The following DCDC2 variants were observed in gnomAD, a reference collection of about 807,000 sequenced individuals.
The protein encoded by DCDC2 is doublecortin domain-containing protein 2.
Under a neutral mutation model 50.2 loss-of-function variants are expected in DCDC2, and 40 were observed. The ratio of observed to expected loss-of-function variants is 0.80; its 90% confidence interval spans 0.62 to 1.04. DCDC2 has a LOEUF of 1.04. DCDC2 is among the 50% of genes least tolerant of loss of function. The pLI is 0.00. For synonymous variants in DCDC2, 234 were observed against 210.6 expected, an observed-to-expected ratio of 1.11 and a Z score of -0.96; for missense variants, 570 against 581.9, an observed-to-expected ratio of 0.98 and a Z score of 0.21.
chr6:24,359,444 A>ATATTTATATATATTATATAATATATATT (rs1561789647), upstream of DCDC2, among the ~76,000 whole-genome samples: 7 of 67,986 alleles, frequency 1.0e-4, 1 homozygote, highest in African/African-American at 3.2e-4. Flanking sequence ...TATACTATAT[A>ATATTTATATATATTATATAATATATATT]GTATATATAT....
rs1022291174 is a variant in DCDC2, at chr6:24,312,380, A to G, written c.349-10336T>C. On this transcript the variant is annotated intron_variant, in intron 2 of 9. Coordinates refer to ENST00000378454, the MANE Select transcript of DCDC2 (RefSeq NM_016356.5). ...CCCAGTAACTTCTAGAAATTCCATAATCCAGGGATGGTGGCAAAATCAGGC... is the reference window on the plus strand; with the variant it reads ...CCCAGTAACTTCTAGAAATTCCATAGTCCAGGGATGGTGGCAAAATCAGGC... Among the ~76,000 whole-genome samples the G allele has an allele frequency of 4.6e-5, 7 of 152,312 alleles. No homozygotes were observed. In the East Asian group the frequency reaches 1.2e-3, roughly 25 times the overall value.
chr6:24,245,446 A>G (rs1762649702), intron 7 of DCDC2, among the ~76,000 whole-genome samples: 1 of 152,204 alleles, frequency 6.6e-6, no homozygotes, highest in Non-Finnish European at 1.5e-5. Flanking sequence ...TGAGAAATCA[A>G]AACTTCAACC....
chr6:24,316,462 T>C (rs1319477040), intron 2 of DCDC2, among the ~76,000 whole-genome samples: 4 of 152,100 alleles, frequency 2.6e-5, no homozygotes, highest in Non-Finnish European at 5.9e-5. Flanking sequence ...TGGATGCCAC[T>C]AATGGAAATA....
At chr6:24,243,800 CAG>C (rs903542946) in intron 7 of DCDC2, among the ~76,000 whole-genome samples, 7 of 152,128 alleles carry the variant, frequency 4.6e-5, no homozygotes, top group African/African-American at 1.7e-4. Context: ...GACAAGCAAA[CAG>C]AGGCAACCCC....
At position 24,178,350 on chromosome 6, in the gene DCDC2, C is replaced by T. The variant is rs1760971620; in HGVS notation, c.1306G>A (p.Ala436Thr). ...AATACCTCATCTTGTCCACTGCCAG[C>T]TCCTTGAGACTTTCTTTCCTTGTCT... ...VLDKERKSQG[A>T]GSGQDEADVD... The change falls in exon 9 of 10, where the codon GCT becomes ACT. Residue 436 changes from alanine to threonine, a missense_variant. Physicochemically the swap from Ala to Thr is moderately conservative, Grantham distance 58. Coordinates refer to ENST00000378454, the MANE Select transcript of DCDC2 (RefSeq NM_016356.5). 2 of 1,613,556 alleles carry T rather than the reference C, an allele frequency of 1.2e-6. No individual in the cohort carries two copies. Among genetic ancestry groups the T allele is most frequent in the Admixed American group, 1.7e-5 (1 of 59,972 alleles).
intron 2 of DCDC2, among the ~76,000 whole-genome samples, chr6:24,313,375 TG>T (rs1367749027): frequency 6.6e-6 from 1 of 152,018 alleles, no homozygotes; most frequent in African/African-American, 2.4e-5. Flanking sequence ...AAGCAAGCAC[TG>T]GGGAAAAAAA....
chr6:24,184,212 G>A (rs1761143468), intron 8 of DCDC2, among the ~76,000 whole-genome samples: 1 of 152,146 alleles, frequency 6.6e-6, no homozygotes, highest in Non-Finnish European at 1.5e-5. Flanking sequence ...GGACACTCAC[G>A]TGTACTTTCA....
At chr6:24,232,000 T>TACAC (rs918995615) in intron 7 of DCDC2, among the ~76,000 whole-genome samples, 1 of 63,444 alleles carries the variant, frequency 1.6e-5, no homozygotes, top group African/African-American at 4.0e-5. Context: ...ATTTCATATA[T>TACAC]ATATACACAC....
At chr6:24,347,543 G>A (rs143793097) in intron 2 of DCDC2, among the ~76,000 whole-genome samples, 1 of 152,150 alleles carries the variant, frequency 6.6e-6, no homozygotes, top group Admixed American at 6.5e-5. Flanking sequence ...ACATTGCACT[G>A]GGTATTACTA....
At chr6:24,260,632 C>G (rs941507553) in intron 7 of DCDC2, among the ~76,000 whole-genome samples, 3 of 152,208 alleles carry the variant, frequency 2.0e-5, no homozygotes, top group Non-Finnish European at 4.4e-5. Context: ...TCCCTTCTGT[C>G]TGAGGCTTGC....
intron 9 of DCDC2, among the ~76,000 whole-genome samples, chr6:24,176,882 C>T (rs1474540458): frequency 6.6e-6 from 1 of 152,192 alleles, no homozygotes; most frequent in Non-Finnish European, 1.5e-5. Flanking sequence ...CTTTGGTTGG[C>T]TAATTTCACT....
chr6:24,261,080 G>C (rs1301963363), intron 7 of DCDC2, among the ~76,000 whole-genome samples: 1 of 151,350 alleles, frequency 6.6e-6, no homozygotes, highest in African/African-American at 2.4e-5. Flanking sequence ...TGCAGTTACA[G>C]AAGAATAGTA....
chr6:24,238,320 A>C (rs570099272), intron 7 of DCDC2, among the ~76,000 whole-genome samples: 1 of 150,028 alleles, frequency 6.7e-6, no homozygotes, highest in South Asian at 2.1e-4. Flanking sequence ...ATTTTTTGAG[A>C]TGGAGTCTTG....
the DCDC2 span, among the ~76,000 whole-genome samples, chr6:24,375,314 G>C: frequency 1.3e-5 from 2 of 152,026 alleles, no homozygotes. Flanking sequence ...CTCTTGCTGA[G>C]AGCCTATGAG....
chr6:24,236,708 C>T lies in DCDC2; in HGVS notation c.923-31606G>A, dbSNP rs370079452. 8.7e-4 allele frequency among the ~76,000 whole-genome samples: 133 copies of T among 152,118 alleles called. No individual in the cohort carries two copies. The South Asian group carries it at 0.026, about 30-fold the overall frequency. On this transcript the variant is annotated intron_variant, in intron 7 of 9. Coordinates refer to ENST00000378454, the MANE Select transcript of DCDC2 (RefSeq NM_016356.5). Reference sequence around the variant, plus strand: ...CAACAAGAAAAAAAAACAAACAACCCCATTAAGAAGTGGACAAAAGGCCAA... The same window carrying T: ...CAACAAGAAAAAAAAACAAACAACCTCATTAAGAAGTGGACAAAAGGCCAA...
chr6:24,336,979 A>G (rs1383451893), intron 2 of DCDC2, among the ~76,000 whole-genome samples: 1 of 152,194 alleles, frequency 6.6e-6, no homozygotes, highest in Non-Finnish European at 1.5e-5. Flanking sequence ...GAGGCTCATA[A>G]AGATCAAAGA....
At chr6:24,284,164 AAAG>A (rs1435224583) in intron 6 of DCDC2, among the ~76,000 whole-genome samples, 2 of 152,142 alleles carry the variant, frequency 1.3e-5, no homozygotes, top group Non-Finnish European at 2.9e-5. Context: ...CAATATACTC[AAAG>A]AAGAGTTATA....
At chr6:24,238,179 AGGGGAGGGGGAG>A (rs1762494409) in intron 7 of DCDC2, among the ~76,000 whole-genome samples, 1 of 40,200 alleles carries the variant, frequency 2.5e-5, no homozygotes, top group African/African-American at 8.8e-5. Context: ...GGAGGGAGGG[AGGGGAGGGGGAG>A]GGGAGGGAGT....
At chr6:24,273,765 G>A (rs1224708703) in intron 7 of DCDC2, among the ~76,000 whole-genome samples, 7 of 152,184 alleles carry the variant, frequency 4.6e-5, no homozygotes, top group Admixed American at 6.5e-5. Context: ...TTGCAGTAAC[G>A]CTTCATGCTT....
Sources: gnomAD v4.1 joint callset for allele counts (sites outside exome capture counted in the v4.1 genomes callset) on GRCh38, gnomAD v4.1.1 for gene constraint, MANE v1.5 for transcripts, NCBI Gene and HGNC (gene_info 2026-07-23, HGNC 2026-07-21) for gene names.